The following CFAP299 variants were observed in gnomAD, a reference collection of about 807,000 sequenced individuals.
CFAP299 encodes cilia- and flagella-associated protein 299.
In CFAP299, 21 loss-of-function variants were observed where a neutral mutation model predicts 27.0. The ratio of observed to expected loss-of-function variants is 0.78; its 90% confidence interval spans 0.55 to 1.12. The LOEUF (loss-of-function observed/expected upper bound fraction) is 1.12, where lower values mean the gene tolerates loss of function less well. CFAP299 is among the 50% of genes most tolerant of loss of function. The pLI is 0.00. For missense variants in CFAP299, 310 were observed against 276.6 expected (o/e 1.12, Z -0.86); for synonymous variants, 104 against 98.1 (o/e 1.06, Z -0.36).
At chr4:80,572,545 T>G (rs1735643971) in intron 2 of CFAP299, among the ~76,000 whole-genome samples, 1 of 133,792 alleles carries the variant, frequency 7.5e-6, no homozygotes. Flanking sequence ...TGAGAGGGAG[T>G]CTTGCCCTGT....
Position 80,755,981 on chromosome 4 carries a change from C to T in CFAP299, c.334-114012C>T, listed in dbSNP as rs183451323. 7.2e-5 allele frequency among the ~76,000 whole-genome samples: 11 copies of T among 152,194 alleles called. No individual in the cohort carries two copies. The East Asian group carries it at 1.5e-3, about 21-fold the overall frequency. On this transcript the variant is annotated intron_variant, in intron 3 of 5. Transcript: ENST00000358105. ...AACATCAGTTACCCAGTTCTTTGGA[C>T]ATGAAGTGAATAGTGTATATACCCT...
At chr4:80,416,459 A>T (rs1187010871) in intron 2 of CFAP299, among the ~76,000 whole-genome samples, 1 of 152,204 alleles carries the variant, frequency 6.6e-6, no homozygotes, top group Non-Finnish European at 1.5e-5. Flanking sequence ...TATAGCTAAT[A>T]CACAATTTTA....
intron 4 of CFAP299, among the ~76,000 whole-genome samples, chr4:80,907,951 G>C (rs372066622): frequency 6.6e-6 from 1 of 152,066 alleles, no homozygotes; most frequent in African/African-American, 2.4e-5. Context: ...TCCCTTCTTT[G>C]GATGGAAGAA....
intron 2 of CFAP299, among the ~76,000 whole-genome samples, chr4:80,373,203 AT>A (rs1210403363): frequency 6.6e-6 from 1 of 151,984 alleles, no homozygotes; most frequent in African/African-American, 2.4e-5. Flanking sequence ...CCAGGACTCC[AT>A]TTCTCATCTG....
intron 3 of CFAP299, among the ~76,000 whole-genome samples, chr4:80,718,687 A>C (rs1242613539): frequency 1.3e-5 from 2 of 152,182 alleles, no homozygotes; most frequent in Admixed American, 6.5e-5. Flanking sequence ...CAATACAATT[A>C]GAAATTACTG....
intron 3 of CFAP299, among the ~76,000 whole-genome samples, chr4:80,656,210 C>T (rs182407788): frequency 2.0e-5 from 3 of 152,006 alleles, no homozygotes; most frequent in East Asian, 3.9e-4. Flanking sequence ...TATTACAGGA[C>T]CATTGAGATA....
Position 80,578,309 on chromosome 4 carries a change from C to T in CFAP299, c.243-4784C>T, listed in dbSNP as rs183339265. On this transcript the variant is annotated intron_variant, in intron 2 of 5. Transcript: ENST00000358105. The stretch of plus-strand genomic sequence containing the variant: ...ATGTTAAAGATTTAAGAATTCCTTA[C>T]CTCACACTCTGCATTAACTTTCATT... Among the ~76,000 whole-genome samples the T allele has an allele frequency of 2.0e-5, 3 of 152,246 alleles. No homozygotes were observed. In the East Asian group the frequency reaches 5.8e-4, roughly 29 times the overall value.
At chr4:80,473,456 A>T (rs1208447706) in intron 2 of CFAP299, among the ~76,000 whole-genome samples, 1 of 152,142 alleles carries the variant, frequency 6.6e-6, no homozygotes, top group African/African-American at 2.4e-5. Flanking sequence ...TAAAAAAAAA[A>T]ATCTAATGTG....
chr4:80,858,877 GTA>G (rs2110156071), intron 3 of CFAP299, among the ~76,000 whole-genome samples: 1 of 152,216 alleles, frequency 6.6e-6, no homozygotes, highest in East Asian at 1.9e-4. Context: ...GAAAAAAAAT[GTA>G]TATTCTGTTG....
the CFAP299 span, among the ~76,000 whole-genome samples, chr4:80,326,771 G>A: frequency 2.6e-5 from 4 of 151,876 alleles, no homozygotes; most frequent in African/African-American, 7.2e-5. Context: ...AATTCCTTTG[G>A]GTAGCCTTTT....
chr4:80,411,199 C>T (rs925929222), intron 2 of CFAP299, among the ~76,000 whole-genome samples: 6 of 152,124 alleles, frequency 3.9e-5, no homozygotes, highest in African/African-American at 1.4e-4. Context: ...GTTTGAGCAT[C>T]TAGATTTTCA....
intron 2 of CFAP299, among the ~76,000 whole-genome samples, chr4:80,484,260 C>A (rs1266622919): frequency 6.6e-6 from 1 of 151,976 alleles, no homozygotes; most frequent in Non-Finnish European, 1.5e-5. Flanking sequence ...TAGCATATAA[C>A]TTTTAAAAAT....
intron 3 of CFAP299, among the ~76,000 whole-genome samples, chr4:80,680,471 A>T (rs1719768230): frequency 6.6e-6 from 1 of 152,248 alleles, no homozygotes; most frequent in Non-Finnish European, 1.5e-5. Context: ...TACCTTCTCT[A>T]AAATAGCCCA....
intron 2 of CFAP299, among the ~76,000 whole-genome samples, chr4:80,396,639 T>C (rs1435107450): frequency 6.6e-6 from 1 of 152,174 alleles, no homozygotes; most frequent in African/African-American, 2.4e-5. Flanking sequence ...GAGATAATCA[T>C]GTGGTTTTTG....
At chr4:80,656,198 A>G (rs1430720577) in intron 3 of CFAP299, among the ~76,000 whole-genome samples, 1 of 152,092 alleles carries the variant, frequency 6.6e-6, no homozygotes, top group Non-Finnish European at 1.5e-5. Context: ...AAAGACTATT[A>G]TTATTACAGG....
chr4:80,661,915 T>C (rs1740870685), intron 3 of CFAP299, among the ~76,000 whole-genome samples: 1 of 152,084 alleles, frequency 6.6e-6, no homozygotes, highest in Non-Finnish European at 1.5e-5. Context: ...TCTTTTACAG[T>C]TGTGGATAAG....
chr4:80,893,108 A>T (rs569818784), intron 4 of CFAP299, among the ~76,000 whole-genome samples: 2 of 152,014 alleles, frequency 1.3e-5, no homozygotes, highest in East Asian at 3.9e-4. Flanking sequence ...CTAAAGAAGA[A>T]ATTTAAGAAA....
chr4:80,500,105 C>T lies in CFAP299; in HGVS notation c.243-82988C>T, dbSNP rs151096200. On this transcript the variant is annotated intron_variant, in intron 2 of 5. Transcript: ENST00000358105. Reference sequence around the variant, plus strand: ...ACAACCCACCACAGTCTGGATTGAACTCCCATCTCAAGTGAAATTGCCCTG... The same window carrying T: ...ACAACCCACCACAGTCTGGATTGAATTCCCATCTCAAGTGAAATTGCCCTG... Among the ~76,000 whole-genome samples, 762 of 152,188 alleles carry T rather than the reference C, an allele frequency of 5.0e-3. 4 individuals carry two copies. The highest frequency in any genetic ancestry group is 0.017 in the Middle Eastern group (5 of 294).
intron 2 of CFAP299, among the ~76,000 whole-genome samples, chr4:80,473,529 CTCTT>C (rs1448759789): frequency 6.6e-6 from 1 of 150,784 alleles, no homozygotes; most frequent in Non-Finnish European, 1.5e-5. Flanking sequence ...AGATTTTGTG[CTCTT>C]TCTGTGTAAA....
Sources: allele counts gnomAD v4.1 joint callset (sites outside exome capture counted in the v4.1 genomes callset), GRCh38; gene constraint gnomAD v4.1.1; transcripts MANE v1.5; gene names NCBI Gene and HGNC (gene_info 2026-07-23, HGNC 2026-07-21).